CNTNAP5: variants seen among roughly 807,000 people sequenced by gnomAD.
The protein encoded by CNTNAP5 is contactin associated protein family member 5, also known as contactin-associated protein-like 5.
A neutral mutation model predicts 150.2 loss-of-function variants in CNTNAP5; 72 were observed. The ratio of observed to expected loss-of-function variants is 0.48; its 90% CI spans 0.40 to 0.58. The LOEUF is 0.58. Ranked by LOEUF, CNTNAP5 falls within the 20% of genes least tolerant of loss-of-function variation. The pLI, the probability that CNTNAP5 is intolerant of heterozygous loss-of-function variation, is 0.00. For missense variants in CNTNAP5, 1,636 were observed against 1,626.2 expected (o/e 1.01, Z -0.10); for synonymous variants, 672 against 619.8 (o/e 1.08, Z -1.25).
chr2:124,354,503 A>AT (rs1424504501), intron 3 of CNTNAP5, among the ~76,000 whole-genome samples: 1 of 152,230 alleles, frequency 6.6e-6, no homozygotes, highest in Non-Finnish European at 1.5e-5. Flanking sequence ...AAAGTGTATT[A>AT]TTTTAAAGCT....
chr2:124,581,652 C>T (rs2104949439), intron 11 of CNTNAP5, among the ~76,000 whole-genome samples: 1 of 152,238 alleles, frequency 6.6e-6, no homozygotes, highest in African/African-American at 2.4e-5. Context: ...AAAGAGAAAG[C>T]CCACAGGTAA....
At chr2:124,214,770 A>T (rs1686113119) in intron 1 of CNTNAP5, among the ~76,000 whole-genome samples, 1 of 152,198 alleles carries the variant, frequency 6.6e-6, no homozygotes, top group African/African-American at 2.4e-5. Flanking sequence ...TCTTGAGCTC[A>T]GGGTCTATGT....
chr2:124,841,338 T>G lies in CNTNAP5; in HGVS notation c.3218-23968T>G, dbSNP rs1175654196. On this transcript the variant is annotated intron_variant, in intron 19 of 23. Transcript: ENST00000682447. ...TACTTTCTTCTACTTCTTCCAAGCT[T>G]ACACGCCCACCTTCCACCCAACCAT... is the stretch of plus-strand genomic sequence containing the variant. 3.3e-5 allele frequency among the ~76,000 whole-genome samples: 5 copies of G among 151,778 alleles called. No homozygotes were observed. In the East Asian group the frequency reaches 7.8e-4, roughly 24 times the overall value.
chr2:124,496,605 T>C (rs1694153438), intron 7 of CNTNAP5, among the ~76,000 whole-genome samples: 1 of 152,148 alleles, frequency 6.6e-6, no homozygotes, highest in South Asian at 2.1e-4. Context: ...CTTGGAAGCG[T>C]CACACATAAG....
intron 13 of CNTNAP5, among the ~76,000 whole-genome samples, chr2:124,740,546 G>A (rs1184430926): frequency 6.6e-6 from 1 of 152,100 alleles, no homozygotes; most frequent in Non-Finnish European, 1.5e-5. Flanking sequence ...CGGAAGAAGG[G>A]CAGATGGGAA....
At chr2:124,764,881 C>A (rs1681034334) in intron 16 of CNTNAP5, among the ~76,000 whole-genome samples, 1 of 151,866 alleles carries the variant, frequency 6.6e-6, no homozygotes, top group African/African-American at 2.4e-5. Context: ...AAAAGCATAC[C>A]TATATATTGC....
At chr2:124,158,762 G>C (rs1156447270) in intron 1 of CNTNAP5, among the ~76,000 whole-genome samples, 2 of 152,116 alleles carry the variant, frequency 1.3e-5, no homozygotes, top group African/African-American at 2.4e-5. Context: ...GCCTTTCTAG[G>C]CATCAGATTG....
chr2:124,194,389 ATATATATATATATATATATAT>A, intron 1 of CNTNAP5, among the ~76,000 whole-genome samples: 1 of 12,692 alleles, frequency 7.9e-5, no homozygotes, highest in Non-Finnish European at 1.8e-4. Flanking sequence ...ATATATATAT[ATATATATATATATATATATAT>A]AAATATAAAT....
intron 1 of CNTNAP5, among the ~76,000 whole-genome samples, chr2:124,173,561 C>T (rs1684987205): frequency 6.6e-6 from 1 of 152,278 alleles, no homozygotes; most frequent in Admixed American, 6.5e-5. Context: ...AGCAGTAGCC[C>T]CATCTAGAGA....
chr2:124,380,503 T>C (rs1690762422), intron 3 of CNTNAP5, among the ~76,000 whole-genome samples: 1 of 152,200 alleles, frequency 6.6e-6, no homozygotes, highest in African/African-American at 2.4e-5. Flanking sequence ...CTAAGTCCAT[T>C]CTGTCTCCAT....
chr2:124,212,984 G>A (rs1031463920), intron 1 of CNTNAP5, among the ~76,000 whole-genome samples: 2 of 151,792 alleles, frequency 1.3e-5, no homozygotes, highest in African/African-American at 2.4e-5. Flanking sequence ...GACTACAGGC[G>A]CCTGGCACCA....
intron 3 of CNTNAP5, among the ~76,000 whole-genome samples, chr2:124,280,181 C>T (rs778153710): frequency 7.9e-5 from 12 of 151,328 alleles, no homozygotes; most frequent in African/African-American, 2.7e-4. Context: ...TATATATATA[C>T]ATTTTTTTTT....
At chr2:124,774,841 T>C (rs1473015368) in intron 17 of CNTNAP5, among the ~76,000 whole-genome samples, 1 of 152,190 alleles carries the variant, frequency 6.6e-6, no homozygotes, top group Non-Finnish European at 1.5e-5. Flanking sequence ...ACAGGCTGGA[T>C]ATGTGATAAA....
At chr2:124,643,235 G>A (rs1441882393) in intron 12 of CNTNAP5, among the ~76,000 whole-genome samples, 3 of 152,146 alleles carry the variant, frequency 2.0e-5, no homozygotes, top group Non-Finnish European at 4.4e-5. Context: ...ATTGATCTGG[G>A]TTAGTCAATA....
intron 3 of CNTNAP5, among the ~76,000 whole-genome samples, chr2:124,328,697 T>C (rs1409805454): frequency 6.6e-6 from 1 of 152,104 alleles, no homozygotes; most frequent in African/African-American, 2.4e-5. Flanking sequence ...ACAGTTCTAA[T>C]AGGATGGGGT....
chr2:124,379,289 A>G (rs980171409), intron 3 of CNTNAP5, among the ~76,000 whole-genome samples: 1 of 152,070 alleles, frequency 6.6e-6, no homozygotes, highest in African/African-American at 2.4e-5. Context: ...AGTATCAGAC[A>G]GTGTATCTGC....
At chr2:124,858,082 A>T (rs1573666024) in intron 19 of CNTNAP5, among the ~76,000 whole-genome samples, 1 of 152,134 alleles carries the variant, frequency 6.6e-6, no homozygotes. Context: ...TTTATGACAA[A>T]CCCACAGCCA....
intron 13 of CNTNAP5, among the ~76,000 whole-genome samples, chr2:124,666,391 G>C (rs969342553): frequency 6.6e-6 from 1 of 152,174 alleles, no homozygotes; most frequent in Admixed American, 6.5e-5. Context: ...GACTTGTAGA[G>C]GTGTGTGACT....
rs111416717 is a variant in CNTNAP5 at position 124,458,815 on chromosome 2, T to C, written c.918+11878T>C. Reference sequence around the variant, plus strand: ...CATAAAAATACAAATGACTTTCATATGTATGAGAAGATGCTCAACCTCACT... The same window carrying C: ...CATAAAAATACAAATGACTTTCATACGTATGAGAAGATGCTCAACCTCACT... On this transcript the variant is annotated intron_variant, in intron 6 of 23. Coordinates refer to ENST00000682447, the MANE Select transcript of CNTNAP5 (RefSeq NM_001367498.1). Among the ~76,000 whole-genome samples the C allele has an allele frequency of 1.3e-5, 2 of 152,200 alleles. 1 individual carries two copies. Among genetic ancestry groups the C allele is most frequent in the South Asian group, 4.1e-4 (2 of 4,832 alleles).
Sources: gnomAD v4.1 joint callset for allele counts (sites outside exome capture counted in the v4.1 genomes callset) on GRCh38, gnomAD v4.1.1 for gene constraint, MANE v1.5 for transcripts, NCBI Gene and HGNC (gene_info 2026-07-23, HGNC 2026-07-21) for gene names.